The following C4orf50 variants were observed in gnomAD, a reference collection of about 807,000 sequenced individuals.
C4orf50 encodes the protein uncharacterized protein C4orf50.
In C4orf50, 80 loss-of-function variants were observed where a neutral mutation model predicts 77.2. The ratio of observed to expected loss-of-function variants is 1.04; its 90% CI spans 0.87 to 1.25. The LOEUF (loss-of-function observed/expected upper bound fraction) is 1.25. Ranked by LOEUF, C4orf50 falls within the 50% of genes most tolerant of loss-of-function variation. C4orf50 has a pLI of 0.00. For synonymous variants in C4orf50, 532 were observed against 465.3 expected, an observed-to-expected ratio of 1.14 and a Z score of -1.84; for missense variants, 1,257 against 1,152.9, an observed-to-expected ratio of 1.09 and a Z score of -1.31.
chr4:5,935,111 T>G (rs1717949103), intron 7 of C4orf50, among the ~76,000 whole-genome samples: 2 of 152,214 alleles, frequency 1.3e-5, no homozygotes, highest in African/African-American at 2.4e-5. Flanking sequence ...TTACTGCAGT[T>G]AACATGGCCT....
rs1240995999 is a variant in C4orf50, at chr4:5,980,172, A to G, written c.3864+2T>C. On this transcript the variant is annotated splice_donor_variant, in intron 29 of 33. Coordinates refer to ENST00000531445, the Ensembl canonical transcript of C4orf50. LOFTEE classifies it high-confidence loss of function. The stretch of plus-strand genomic sequence containing the variant: ...AGAGGGGAAAGAAAGCACTTCCCAC[A>G]CCTTGGCCTGGAGCTCCTCCTGGAG... 6.3e-7 allele frequency: 1 copy of G among 1,588,718 alleles called. No individual in the cohort carries two copies. Among genetic ancestry groups the G allele is most frequent in the Non-Finnish European group, 8.6e-7 (1 of 1,168,902 alleles).
chr4:5,997,507 A>C (rs1356629696), intron 25 of C4orf50, among the ~76,000 whole-genome samples: 2 of 152,186 alleles, frequency 1.3e-5, no homozygotes, highest in Non-Finnish European at 2.9e-5. Context: ...AGTCGACAGG[A>C]GCACAGGAGC....
chr4:5,987,632 A>C, intron 28 of C4orf50, among the ~76,000 whole-genome samples: 1 of 151,834 alleles, frequency 6.6e-6, no homozygotes. Flanking sequence ...AGCAAGAGAC[A>C]GAAAGATGGA....
At chr4:5,996,447 A>T (rs1368692829) in intron 25 of C4orf50, among the ~76,000 whole-genome samples, 1 of 92,354 alleles carries the variant, frequency 1.1e-5, no homozygotes, top group African/African-American at 4.1e-5. Flanking sequence ...CCCCACCTCC[A>T]CCCCGCTACC....
intron 7 of C4orf50, among the ~76,000 whole-genome samples, chr4:5,918,656 G>A (rs926349270): frequency 6.6e-6 from 1 of 152,180 alleles, no homozygotes; most frequent in Non-Finnish European, 1.5e-5. Context: ...AGTGGGGCTT[G>A]TAAATTGACT....
At chr4:5,990,377 C>T (rs1721197287) in exon 28 of C4orf50, 3 of 448,326 alleles carry the variant, frequency 6.7e-6, no homozygotes, top group Non-Finnish European at 1.1e-5. Flanking sequence ...TCAGTTCTCC[C>T]CGCAAGGCTT....
At chr4:5,920,906 T>C (rs2108737574) in intron 7 of C4orf50, among the ~76,000 whole-genome samples, 1 of 152,354 alleles carries the variant, frequency 6.6e-6, no homozygotes, top group South Asian at 2.1e-4. Flanking sequence ...TTGGTCTCAC[T>C]GGTCAGGGCA....
At chr4:5,911,075 G>C (rs1716785374) in intron 7 of C4orf50, among the ~76,000 whole-genome samples, 1 of 151,684 alleles carries the variant, frequency 6.6e-6, no homozygotes, top group Admixed American at 6.6e-5. Flanking sequence ...CTGGCTAATT[G>C]TTTTTTGTAT....
intron 25 of C4orf50, among the ~76,000 whole-genome samples, chr4:6,004,398 G>GAT (rs1722134588): frequency 7.1e-6 from 1 of 141,582 alleles, no homozygotes; most frequent in African/African-American, 2.7e-5. Context: ...TGGTGGTGAT[G>GAT]GTGATGGAGA....
At chr4:5,953,070 G>C (rs536601022), downstream of C4orf50, among the ~76,000 whole-genome samples, 2 of 152,332 alleles carry the variant, frequency 1.3e-5, no homozygotes, top group African/African-American at 2.4e-5. Flanking sequence ...TAGGTCTGCT[G>C]TGAGAGGCAG....
intron 30 of C4orf50, among the ~76,000 whole-genome samples, 198 bp from the exon 9 acceptor site, chr4:5,974,039 C>G (rs1001687870): frequency 2.6e-5 from 4 of 152,314 alleles, no homozygotes; most frequent in Non-Finnish European, 4.4e-5. Flanking sequence ...CGGCCACACA[C>G]CCCCAGGGGC....
chr4:5,914,350 G>A lies in C4orf50; in HGVS notation c.*2475-16162C>T, dbSNP rs535870955. 1.3e-4 allele frequency among the ~76,000 whole-genome samples: 19 copies of A among 151,870 alleles called. 1 individual carries two copies. The highest frequency in any genetic ancestry group is 2.6e-4 in the Admixed American group (4 of 15,240). On this transcript the variant is annotated intron_variant, in intron 7 of 7. Coordinates refer to the C4orf50 transcript ENST00000324058. ...CTCCTGAGTAGCTAGGACTATAGGC[G>A]CCTGCCACCATGCCCAGCTAATTTT...
chr4:5,946,966 G>A (rs778229436), intron 7 of C4orf50, among the ~76,000 whole-genome samples: 1 of 152,174 alleles, frequency 6.6e-6, no homozygotes, highest in Non-Finnish European at 1.5e-5. Context: ...TAACACACAT[G>A]GTGCTCTTGG....
At chr4:5,980,816 A>G (rs1217914369) in intron 28 of C4orf50, among the ~76,000 whole-genome samples, 1 of 152,256 alleles carries the variant, frequency 6.6e-6, no homozygotes, top group Non-Finnish European at 1.5e-5. Flanking sequence ...GCTAAAGCAT[A>G]ATATATTTAT....
At chr4:5,945,926 T>C (rs552394304) in intron 7 of C4orf50, among the ~76,000 whole-genome samples, 34 of 152,230 alleles carry the variant, frequency 2.2e-4, no homozygotes, top group African/African-American at 7.9e-4. Context: ...CCTGGCTCCC[T>C]CGGCCTCTGA....
At chr4:5,997,012 G>C (rs1031564523) in intron 25 of C4orf50, among the ~76,000 whole-genome samples, 2 of 152,220 alleles carry the variant, frequency 1.3e-5, no homozygotes, top group African/African-American at 4.8e-5. Flanking sequence ...AGGCATCAAA[G>C]AAACGAAGTG....
intron 33 of C4orf50, among the ~76,000 whole-genome samples, chr4:5,962,513 T>G (rs981528218): frequency 6.6e-5 from 10 of 152,246 alleles, no homozygotes; most frequent in Admixed American, 6.5e-4. Context: ...AGAGGGTTTG[T>G]TCTCACACTG....
chr4:5,964,460 T>C (rs1577938935), intron 33 of C4orf50, among the ~76,000 whole-genome samples: 1 of 151,994 alleles, frequency 6.6e-6, no homozygotes, highest in Admixed American at 6.5e-5. Flanking sequence ...ATACATGATG[T>C]CCAGCATCCA....
exon 34 of C4orf50, chr4:5,957,969 C>T (rs13143299): frequency 6.6e-6 from 1 of 152,160 alleles, no homozygotes; most frequent in Non-Finnish European, 1.5e-5. Context: ...AGCTAAACTA[C>T]GTTAAAATAA....
Sources: gnomAD v4.1 joint callset for allele counts (sites outside exome capture counted in the v4.1 genomes callset) on GRCh38, gnomAD v4.1.1 for gene constraint, MANE v1.5 for transcripts, NCBI Gene and HGNC (gene_info 2026-07-23, HGNC 2026-07-21) for gene names.